ADAM2: variants seen among roughly 807,000 people sequenced by gnomAD.
ADAM2 encodes ADAM metallopeptidase domain 2.
Under a neutral mutation model 99.3 loss-of-function variants are expected in ADAM2, and 101 were observed. The observed-to-expected ratio is 1.02, with a 90% CI of 0.87 to 1.20. The LOEUF (loss-of-function observed/expected upper bound fraction) is 1.20, where lower values mean the gene tolerates loss of function less well. ADAM2 is among the 50% of genes most tolerant of loss of function. The pLI, the probability that ADAM2 is intolerant of heterozygous loss-of-function variation, is 0.00. For missense variants in ADAM2, 948 were observed against 878.7 expected (o/e 1.08, Z -1.00); for synonymous variants, 323 against 287.6 (o/e 1.12, Z -1.25).
chr8:39,754,400 C>T (rs1802070105), intron 16 of ADAM2, among the ~76,000 whole-genome samples: 1 of 152,172 alleles, frequency 6.6e-6, no homozygotes, highest in Non-Finnish European at 1.5e-5. Context: ...AAAAAAATAA[C>T]TACCAACGAT....
chr8:39,787,066 A>C lies in ADAM2; in HGVS notation c.810-11T>G. ...GACTTTTCTCTGTAACTTAAGTTTAAAAAGGGATCATAATCATATAATTTT... is the reference window on the plus strand; with the variant it reads ...GACTTTTCTCTGTAACTTAAGTTTACAAAGGGATCATAATCATATAATTTT... On this transcript the variant is annotated splice_polypyrimidine_tract_variant and intron_variant, in intron 9 of 20. Coordinates refer to ENST00000265708, the MANE Select transcript of ADAM2 (RefSeq NM_001464.5). 1 of 1,537,150 alleles carries C rather than the reference A, an allele frequency of 6.5e-7. No homozygotes were observed. The highest frequency in any genetic ancestry group is 8.9e-7 in the Non-Finnish European group (1 of 1,121,778).
At chr8:39,825,315 A>G (rs1261481087) in intron 3 of ADAM2, among the ~76,000 whole-genome samples, 1 of 152,166 alleles carries the variant, frequency 6.6e-6, no homozygotes, top group Non-Finnish European at 1.5e-5. Flanking sequence ...CCATACTCTA[A>G]ATTTGCTCTA....
intron 10 of ADAM2, among the ~76,000 whole-genome samples, chr8:39,785,610 A>G (rs1027225167): frequency 3.3e-5 from 5 of 152,170 alleles, no homozygotes; most frequent in Non-Finnish European, 7.3e-5. Flanking sequence ...AGCCTGGCCA[A>G]TGTGGCAAAA....
intron 4 of ADAM2, 135 bp from the exon 5 acceptor site, chr8:39,821,797 T>G: frequency 1.6e-6 from 1 of 620,732 alleles, no homozygotes; most frequent in Non-Finnish European, 2.8e-6. Flanking sequence ...TATAATGTTA[T>G]TAGATGAGCA....
chr8:39,799,340 G>T (rs914100935), intron 7 of ADAM2, among the ~76,000 whole-genome samples: 3 of 152,164 alleles, frequency 2.0e-5, no homozygotes, highest in African/African-American at 7.2e-5. Context: ...CCATGACATT[G>T]TGTGGTTTTG....
chr8:39,761,559 A>G (rs901691065), intron 14 of ADAM2, among the ~76,000 whole-genome samples: 1 of 152,234 alleles, frequency 6.6e-6, no homozygotes, highest in African/African-American at 2.4e-5. Context: ...TAGTAAGTCT[A>G]TAAATGCATA....
chr8:39,773,093 A>G (rs1339034433), intron 11 of ADAM2, among the ~76,000 whole-genome samples: 2 of 151,912 alleles, frequency 1.3e-5, no homozygotes, highest in South Asian at 2.1e-4. Context: ...TCTAGAAAGT[A>G]TATTTTTGGA....
intron 16 of ADAM2, among the ~76,000 whole-genome samples, chr8:39,755,131 CATT>C (rs1372023575): frequency 6.6e-6 from 1 of 151,962 alleles, no homozygotes; most frequent in Admixed American, 6.6e-5. Context: ...TAATTTATGA[CATT>C]AGATGTATTC....
At chr8:39,773,479 C>T (rs976842620) in intron 11 of ADAM2, among the ~76,000 whole-genome samples, 1 of 151,410 alleles carries the variant, frequency 6.6e-6, no homozygotes, top group Non-Finnish European at 1.5e-5. Flanking sequence ...AAATATGATT[C>T]TTTAAAAAAA....
At position 39,809,421 on chromosome 8, in the gene ADAM2, C is replaced by G. The variant is rs978520728; in HGVS notation, c.559G>C (p.Glu187Gln). 2 of 1,335,256 alleles carry G rather than the reference C, an allele frequency of 1.5e-6. No individual in the cohort carries two copies. Among genetic ancestry groups the G allele is most frequent in the Non-Finnish European group, 2.1e-6 (2 of 942,816 alleles). 82.7% of individuals were successfully genotyped at this position (1,335,256 alleles called of 1,614,324 possible). Reference sequence around the variant, plus strand: ...CAGAATATACTTACCAATTGTTTTTCAACTATAACATGCATTTCTATATAC... The same window carrying G: ...CAGAATATACTTACCAATTGTTTTTGAACTATAACATGCATTTCTATATAC... Reference protein sequence around the residue: ...AKYIEMHVIVEKQLYNHMGSD... With the variant: ...AKYIEMHVIVQKQLYNHMGSD... The change falls in exon 7 of 21, where the codon GAA becomes CAA. Residue 187 changes from glutamate (E) to glutamine (Q), a missense_variant. Glu to Gln is a conservative substitution (Grantham distance 29). Transcript: ENST00000265708.
intron 6 of ADAM2, among the ~76,000 whole-genome samples, chr8:39,809,740 C>A (rs1804613773): frequency 6.6e-6 from 1 of 151,466 alleles, no homozygotes; most frequent in East Asian, 1.9e-4. Context: ...TCATATTATT[C>A]TCTCTTTTAC....
intron 7 of ADAM2, among the ~76,000 whole-genome samples, chr8:39,792,885 G>C (rs1803780302): frequency 6.6e-6 from 1 of 152,094 alleles, no homozygotes; most frequent in South Asian, 2.1e-4. Context: ...GTTTAACTCT[G>C]AATTCAGTAA....
intron 6 of ADAM2, among the ~76,000 whole-genome samples, chr8:39,813,212 A>G (rs1349497455): frequency 6.6e-6 from 1 of 152,256 alleles, no homozygotes; most frequent in Non-Finnish European, 1.5e-5. Flanking sequence ...AGTCAAAACT[A>G]CAATGAGATA....
chr8:39,777,410 T>C (rs922124305), intron 10 of ADAM2, among the ~76,000 whole-genome samples: 1 of 152,106 alleles, frequency 6.6e-6, no homozygotes, highest in Non-Finnish European at 1.5e-5. Flanking sequence ...GCCCCAGGAA[T>C]TTGTTAGCTA....
chr8:39,765,132 A>G (rs922812930), intron 14 of ADAM2, among the ~76,000 whole-genome samples: 3 of 152,210 alleles, frequency 2.0e-5, no homozygotes, highest in African/African-American at 7.2e-5. Flanking sequence ...TCCTTACTCT[A>G]TGATGTTTAG....
Position 39,770,817 on chromosome 8 carries a change from C to T in ADAM2, c.1029-1242G>A, listed in dbSNP as rs181477779. Among the ~76,000 whole-genome samples, 234 of 152,232 alleles carry T rather than the reference C, an allele frequency of 1.5e-3. 1 individual carries two copies. The highest frequency in any genetic ancestry group is 5.2e-3 in the African/African-American group (215 of 41,546). The stretch of plus-strand genomic sequence containing the variant: ...TATTTCTCACAAACCCCTTATCTGC[C>T]ATGAAATTTTGTCAAATCTGTCTAC... On this transcript the variant is annotated intron_variant, in intron 11 of 20. Transcript: ENST00000265708.
intron 1 of ADAM2, among the ~76,000 whole-genome samples, chr8:39,837,580 T>G (rs1274610609): frequency 6.6e-6 from 1 of 152,036 alleles, no homozygotes; most frequent in Non-Finnish European, 1.5e-5. Context: ...TAGAGGGGGA[T>G]TTCACCATGT....
chr8:39,823,760 T>C (rs1300140762), intron 4 of ADAM2, among the ~76,000 whole-genome samples: 1 of 152,090 alleles, frequency 6.6e-6, no homozygotes, highest in South Asian at 2.1e-4. Flanking sequence ...TGTAACAGTA[T>C]ATTAGTTATA....
intron 9 of ADAM2, among the ~76,000 whole-genome samples, chr8:39,787,647 G>A (rs1803526620): frequency 6.6e-6 from 1 of 151,298 alleles, no homozygotes; most frequent in South Asian, 2.1e-4. Context: ...GAAGGCTAAT[G>A]TACTAAAACC....
Sources: allele counts gnomAD v4.1 joint callset (sites outside exome capture counted in the v4.1 genomes callset), GRCh38; gene constraint gnomAD v4.1.1; transcripts MANE v1.5; gene names NCBI Gene and HGNC (gene_info 2026-07-23, HGNC 2026-07-21).